The following NEK10 variants were observed in gnomAD, a reference collection of about 807,000 sequenced individuals.
NEK10 encodes the protein serine/threonine-protein kinase Nek10.
Under a neutral mutation model 159.8 loss-of-function variants are expected in NEK10, and 122 were observed. That is an observed-to-expected ratio of 0.76 (90% confidence interval 0.66 to 0.89). The LOEUF (loss-of-function observed/expected upper bound fraction) is 0.89. Among genes scored for constraint, NEK10 ranks in the 40% least tolerant of loss-of-function variants. NEK10 has a pLI of 0.00. For synonymous variants in NEK10, 466 were observed against 457.1 expected (o/e 1.02, Z -0.25); for missense variants, 1,342 against 1,323.1 (o/e 1.01, Z -0.22).
intron 22 of NEK10, among the ~76,000 whole-genome samples, chr3:27,264,936 A>G (rs1006020741): frequency 1.5e-5 from 2 of 133,994 alleles, no homozygotes; most frequent in Admixed American, 1.5e-4. Flanking sequence ...AAATAAATAA[A>G]TAATAATTTT....
At chr3:27,280,956 T>C (rs1017401554) in intron 22 of NEK10, among the ~76,000 whole-genome samples, 1 of 151,598 alleles carries the variant, frequency 6.6e-6, no homozygotes, top group Non-Finnish European at 1.5e-5. Context: ...TATGCATATA[T>C]ATATATACCT....
chr3:27,196,029 C>T (rs1212960548), intron 25 of NEK10, among the ~76,000 whole-genome samples: 2 of 152,098 alleles, frequency 1.3e-5, no homozygotes, highest in Non-Finnish European at 2.9e-5. Context: ...ATTTCTGCCT[C>T]CAAAGAAAGA....
chr3:27,122,094 C>A (rs1200225160), intron 32 of NEK10, among the ~76,000 whole-genome samples: 10 of 152,014 alleles, frequency 6.6e-5, no homozygotes, highest in African/African-American at 2.2e-4. Flanking sequence ...TGATTATATC[C>A]ATTTTTATCA....
At chr3:27,316,217 GAACTGGAGATGGGGAGCGTATC>G (rs1181688895) in intron 6 of NEK10, among the ~76,000 whole-genome samples, 1 of 152,190 alleles carries the variant, frequency 6.6e-6, no homozygotes, top group Non-Finnish European at 1.5e-5. Flanking sequence ...GTCATAAAAT[GAACTGGAGATGGGGAGCGTATC>G]AACTGGGAGC....
At chr3:27,243,579 C>G (rs911048579) in intron 23 of NEK10, among the ~76,000 whole-genome samples, 1 of 152,058 alleles carries the variant, frequency 6.6e-6, no homozygotes, top group African/African-American at 2.4e-5. Context: ...TATACATATA[C>G]TGTCATAATG....
At chr3:27,208,213 A>G (rs1950688680) in intron 23 of NEK10, among the ~76,000 whole-genome samples, 1 of 152,162 alleles carries the variant, frequency 6.6e-6, no homozygotes, top group Non-Finnish European at 1.5e-5. Flanking sequence ...TGGAAAAACC[A>G]TGGGGATATA....
At chr3:27,324,185 C>G (rs2045851470) in intron 5 of NEK10, among the ~76,000 whole-genome samples, 1 of 152,222 alleles carries the variant, frequency 6.6e-6, no homozygotes. Context: ...TGTCGCTCAG[C>G]TGTCCCACAT....
chr3:27,274,180 T>A (rs2041592012), intron 22 of NEK10, among the ~76,000 whole-genome samples: 1 of 152,196 alleles, frequency 6.6e-6, no homozygotes, highest in South Asian at 2.1e-4. Flanking sequence ...CCTTCTCCAG[T>A]GCAGACTCCA....
intron 5 of NEK10, among the ~76,000 whole-genome samples, chr3:27,340,052 G>C (rs1182306332): frequency 6.6e-6 from 1 of 152,122 alleles, no homozygotes; most frequent in Non-Finnish European, 1.5e-5. Context: ...AAAGACACAT[G>C]CACATATATG....
chr3:27,141,690 A>G (rs1943799361), intron 30 of NEK10, 108 bp from the exon 31 acceptor site: 2 of 734,722 alleles, frequency 2.7e-6, no homozygotes, highest in Non-Finnish European at 4.7e-6. Context: ...ACTTCACCTT[A>G]TCAATGAGAC....
Position 27,308,959 on chromosome 3 carries a change from C to T in NEK10, c.683G>A (p.Gly228Asp). 1 of 1,599,716 alleles carries T rather than the reference C, an allele frequency of 6.3e-7. No homozygotes were observed. The change falls in exon 10 of 36, where the codon GGT becomes GAT. Residue 228 changes from glycine (G) to aspartate (D), a missense_variant. By Grantham distance (94) the Gly-to-Asp change is moderately conservative. Transcript: ENST00000691995. The part of the protein sequence containing the change: ...LGARDTNVLL[G>D]SLLALASLAE... ...TAAACTAGCCAGAGCCAGAAGGGAA[C>T]CCAATAGAACATTAGTATCTCGGGC...
At chr3:27,228,136 G>A (rs1044092254) in intron 23 of NEK10, among the ~76,000 whole-genome samples, 1 of 152,138 alleles carries the variant, frequency 6.6e-6, no homozygotes, top group Non-Finnish European at 1.5e-5. Flanking sequence ...TTGCTACTAA[G>A]AAAAACTTTC....
chr3:27,302,988 G>A (rs1033958171), intron 12 of NEK10, among the ~76,000 whole-genome samples: 6 of 152,140 alleles, frequency 3.9e-5, no homozygotes, highest in African/African-American at 1.4e-4. Flanking sequence ...TGAAAACAGT[G>A]TTCTTCATAC....
At chr3:27,114,753 G>C (rs1940131765) in intron 35 of NEK10, among the ~76,000 whole-genome samples, 1 of 152,094 alleles carries the variant, frequency 6.6e-6, no homozygotes, top group Admixed American at 6.6e-5. Context: ...AGTCCCTCCA[G>C]GCATAAAAGA....
At chr3:27,353,939 G>A (rs892026102) in intron 1 of NEK10, among the ~76,000 whole-genome samples, 1 of 152,096 alleles carries the variant, frequency 6.6e-6, no homozygotes, top group East Asian at 1.9e-4. Flanking sequence ...AGAAGGGGAG[G>A]TAAAAAGAAT....
intron 23 of NEK10, among the ~76,000 whole-genome samples, chr3:27,208,500 A>C (rs1950721688): frequency 6.6e-6 from 1 of 152,198 alleles, no homozygotes; most frequent in Admixed American, 6.6e-5. Flanking sequence ...GAGCCAGAAA[A>C]GAGACTGGAA....
At chr3:27,205,529 A>C (rs1211899265) in intron 23 of NEK10, among the ~76,000 whole-genome samples, 1 of 102,870 alleles carries the variant, frequency 9.7e-6, no homozygotes, top group Non-Finnish European at 1.9e-5. Context: ...AATGGAACAG[A>C]ACAGAGCCCT....
chr3:27,280,360 G>A (rs1231361505), intron 22 of NEK10, among the ~76,000 whole-genome samples: 1 of 152,080 alleles, frequency 6.6e-6, no homozygotes. Flanking sequence ...GAAGCAGAAA[G>A]CTCAATACAT....
At position 27,284,587 on chromosome 3, in the gene NEK10, A is replaced by C. The variant is rs2042437087; in HGVS notation, c.2014+15T>G. The C allele has an allele frequency of 7.0e-7, 1 of 1,430,636 alleles. No individual in the cohort carries two copies. The highest frequency in any genetic ancestry group is 1.7e-5 in the Admixed American group (1 of 59,682). The allele number at this position is 1,430,636 out of a possible 1,614,324, so 88.6% of individuals were successfully genotyped here. A position where few individuals can be genotyped will look rare whatever the true frequency, so the allele number is the denominator to read the frequency against. ...GGAATTCTTCAGTTAAAAGTTTAAA[A>C]ATCTTTATACTTACTAACGGTTACT... On this transcript the variant is annotated intron_variant, in intron 22 of 35. Coordinates refer to ENST00000691995, the MANE Select transcript of NEK10 (RefSeq NM_001394966.1).
Sources: allele counts gnomAD v4.1 joint callset (sites outside exome capture counted in the v4.1 genomes callset), GRCh38; gene constraint gnomAD v4.1.1; transcripts MANE v1.5; gene names NCBI Gene and HGNC (gene_info 2026-07-23, HGNC 2026-07-21).